STS: variants seen among roughly 807,000 people sequenced by gnomAD.
STS encodes the protein steroid sulfatase.
A neutral mutation model predicts 26.8 loss-of-function variants in STS; 7 were observed. That is an observed-to-expected ratio of 0.26 (90% CI 0.15 to 0.49). The LOEUF is 0.49. Ranked by LOEUF, STS falls within the 20% of genes least tolerant of loss-of-function variation. STS has a pLI of 0.98. For missense variants in STS, 434 were observed against 465.6 expected (o/e 0.93, Z 0.63); for synonymous variants, 199 against 189.4 (o/e 1.05, Z -0.42).
At position 7,334,016 on chromosome X, in the gene STS, G is replaced by A. The variant is rs752068383; in HGVS notation, c.1272G>A (p.Leu424=). 40 of 1,209,523 alleles carry A rather than the reference G, an allele frequency of 3.3e-5. No individual in the cohort carries two copies. The East Asian group carries it at 1.1e-3, about 33-fold the overall frequency. Residue 424 remains leucine, a synonymous_variant, in exon 10 of 11, where the codon CTG becomes CTA. Coordinates refer to ENST00000674429, the MANE Select transcript of STS (RefSeq NM_001320752.2). The part of the protein sequence containing the change: ...RIIDGRDLMP[L]LEGKSQRSDH... ...TTGATGGACGTGATCTGATGCCCCT[G>A]CTTGAAGGAAAAAGCCAACGCTCCG... is the stretch of plus-strand genomic sequence containing the variant.
intron 7 of STS, among the ~76,000 whole-genome samples, chrX:7,287,613 A>G (rs1178534489): frequency 9.0e-6 from 1 of 110,784 alleles, no homozygotes; most frequent in Non-Finnish European, 1.9e-5. Flanking sequence ...TTAGACTACA[A>G]TTTGTTTAAT....
At chrX:7,248,978 T>G (rs1457404856) in intron 2 of STS, among the ~76,000 whole-genome samples, 1 of 111,347 alleles carries the variant, frequency 9.0e-6, no homozygotes, top group Non-Finnish European at 1.9e-5. Context: ...CATTTATAGT[T>G]GTCAGCCCAA....
At position 7,277,957 on chromosome X, in the gene STS, A is replaced by T. The variant is rs775230931; in HGVS notation, c.943+1870A>T. ...CTAAGATTTCTGTTGGCTAGCAAGC[A>T]ACCTCACGCTGATCTCATCACACCT... On this transcript the variant is annotated intron_variant, in intron 7 of 10. Coordinates refer to ENST00000674429, the MANE Select transcript of STS (RefSeq NM_001320752.2). 2.6e-3 allele frequency among the ~76,000 whole-genome samples: 289 copies of T among 112,597 alleles called. 2 individuals are homozygous for T. Among genetic ancestry groups the T allele is most frequent in the Non-Finnish European group, 3.6e-3 (190 of 53,331 alleles).
intron 6 of STS, among the ~76,000 whole-genome samples, chrX:7,264,450 C>T (rs1569206341): frequency 8.9e-6 from 1 of 112,421 alleles, no homozygotes; most frequent in Non-Finnish European, 1.9e-5. Flanking sequence ...CTGGGCATGG[C>T]GCTTGGTTCA....
chrX:7,312,732 T>C (rs1344504528), intron 8 of STS, among the ~76,000 whole-genome samples: 1 of 111,837 alleles, frequency 8.9e-6, no homozygotes, highest in Non-Finnish European at 1.9e-5. Flanking sequence ...CGCCATGATT[T>C]TGAGGCCCCC....
intron 2 of STS, among the ~76,000 whole-genome samples, chrX:7,236,579 A>G (rs982619123): frequency 8.9e-6 from 1 of 112,220 alleles, no homozygotes. Context: ...GACATTGCTT[A>G]ATTAATAAAT....
Position 7,259,421 on chromosome X carries a change from A to G in STS, c.455A>G (p.Asn152Ser), listed in dbSNP as rs143711517. The G allele has an allele frequency of 9.8e-5, 119 of 1,209,426 alleles. 1 individual carries two copies. The East Asian group carries it at 1.2e-3, about 13-fold the overall frequency. ...FCHHPLHHGF[N>S]YFYGISLTNL... Reference sequence around the variant, plus strand: ...CACCACCCTTTACATCACGGCTTCAATTATTTCTATGGGATCTCTTTGACC... The same window carrying G: ...CACCACCCTTTACATCACGGCTTCAGTTATTTCTATGGGATCTCTTTGACC... The change falls in exon 6 of 11, where the codon AAT becomes AGT. Residue 152 changes from asparagine (N) to serine (S), a missense_variant. Coordinates refer to ENST00000674429, the MANE Select transcript of STS (RefSeq NM_001320752.2).
chrX:7,173,528 A>G (rs2146999780), intron 1 of STS, among the ~76,000 whole-genome samples: 1 of 112,282 alleles, frequency 8.9e-6, no homozygotes, highest in East Asian at 2.8e-4. Flanking sequence ...TGTCTTCCAC[A>G]ATGATTGAAC....
chrX:7,274,540 C>T (rs1257552000), intron 6 of STS, among the ~76,000 whole-genome samples: 5 of 112,036 alleles, frequency 4.5e-5, no homozygotes, highest in African/African-American at 1.6e-4. Flanking sequence ...GAGGGCAACC[C>T]GATGTGAAGA....
intron 1 of STS, among the ~76,000 whole-genome samples, chrX:7,152,411 G>A (rs747073906): frequency 5.1e-4 from 57 of 111,578 alleles, no homozygotes; most frequent in African/African-American, 1.6e-3. Flanking sequence ...CCCTCCTTCC[G>A]GGTTCAAGCG....
intron 1 of STS, 191 bp downstream of exon 1, chrX:7,148,274 G>T (rs1167216593): frequency 1.1e-5 from 3 of 284,488 alleles, no homozygotes; most frequent in African/African-American, 2.8e-5. Flanking sequence ...GTCCTGGGCT[G>T]CCTAGTGGCG....
intron 8 of STS, among the ~76,000 whole-genome samples, chrX:7,324,153 A>G (rs1339068488): frequency 9.3e-6 from 1 of 107,832 alleles, no homozygotes; most frequent in Non-Finnish European, 1.9e-5. Context: ...GAAAGGTAGC[A>G]TGAGTCAAAA....
At chrX:7,287,008 C>G (rs1194297129) in intron 7 of STS, among the ~76,000 whole-genome samples, 1 of 111,479 alleles carries the variant, frequency 9.0e-6, no homozygotes, top group Non-Finnish European at 1.9e-5. Flanking sequence ...GTTTGGGAAG[C>G]CTTTGTGAGT....
chrX:7,349,925 C>T lies in STS; in HGVS notation c.1401C>T (p.Asn467=), dbSNP rs1199472338. 4 of 1,212,023 alleles carry T rather than the reference C, an allele frequency of 3.3e-6. No individual in the cohort carries two copies. The highest frequency in any genetic ancestry group is 4.5e-6 in the Non-Finnish European group (4 of 895,512). ...GGAAGGCCTTTTTCTTCACCCCCAACTTCAACCCCGTGGGTTCCAACGGAT... is the reference window on the plus strand; with the variant it reads ...GGAAGGCCTTTTTCTTCACCCCCAATTTCAACCCCGTGGGTTCCAACGGAT... The part of the protein sequence containing the change: ...SIWKAFFFTP[N]FNPVGSNGCF... Residue 467 remains asparagine (N), a synonymous_variant, in exon 11 of 11, where the codon AAC becomes AAT. Coordinates refer to ENST00000674429, the MANE Select transcript of STS (RefSeq NM_001320752.2).
chrX:7,263,115 C>T (rs1923828147), intron 6 of STS, among the ~76,000 whole-genome samples: 1 of 111,962 alleles, frequency 8.9e-6, no homozygotes, highest in African/African-American at 3.3e-5. Context: ...GTTGCCCAGG[C>T]TGGGGTGCAG....
At chrX:7,274,409 A>C (rs1209775530) in intron 6 of STS, among the ~76,000 whole-genome samples, 1 of 111,692 alleles carries the variant, frequency 9.0e-6, no homozygotes, top group Non-Finnish European at 1.9e-5. Flanking sequence ...ATAGCCTTCA[A>C]AAAGGCCTCT....
At chrX:7,164,510 C>A (rs1933310848) in intron 1 of STS, among the ~76,000 whole-genome samples, 1 of 110,568 alleles carries the variant, frequency 9.0e-6, no homozygotes, top group Non-Finnish European at 1.9e-5. Context: ...AAAAGCTGGG[C>A]AGAATAGCTG....
chrX:7,209,555 A>G (rs1157758213), intron 2 of STS, among the ~76,000 whole-genome samples: 1 of 106,458 alleles, frequency 9.4e-6, no homozygotes, highest in Non-Finnish European at 1.9e-5. Flanking sequence ...ATTCGAATAG[A>G]TGAATACCAC....
chrX:7,196,518 A>G (rs1271123929), intron 2 of STS, among the ~76,000 whole-genome samples: 1 of 111,587 alleles, frequency 9.0e-6, no homozygotes, highest in Non-Finnish European at 1.9e-5. Flanking sequence ...GATGTAAAAA[A>G]AAAAAGTGAT....
Sources: gnomAD v4.1 joint callset for allele counts (sites outside exome capture counted in the v4.1 genomes callset) on GRCh38, gnomAD v4.1.1 for gene constraint, MANE v1.5 for transcripts, NCBI Gene and HGNC (gene_info 2026-07-23, HGNC 2026-07-21) for gene names.